The following GRIK1 variants were observed in gnomAD, a reference collection of about 807,000 sequenced individuals.
The protein encoded by GRIK1 is glutamate receptor ionotropic, kainate 1.
A neutral mutation model predicts 105.7 loss-of-function variants in GRIK1; 69 were observed. That is an observed-to-expected ratio of 0.65 (90% confidence interval 0.54 to 0.80). The LOEUF is 0.80. Among genes scored for constraint, GRIK1 ranks in the 30% least tolerant of loss-of-function variants. GRIK1 has a pLI of 0.00. For missense variants in GRIK1, 1,109 were observed against 1,167.3 expected, an observed-to-expected ratio of 0.95 and a Z score of 0.73; for synonymous variants, 438 against 431.3, an observed-to-expected ratio of 1.02 and a Z score of -0.19.
At chr21:29,872,470 C>T (rs534743966) in intron 1 of GRIK1, among the ~76,000 whole-genome samples, 3 of 152,190 alleles carry the variant, frequency 2.0e-5, no homozygotes, top group Admixed American at 1.3e-4. Context: ...CTTCTTAACA[C>T]GCAAATTATA....
chr21:29,784,491 T>G (rs2066207310), intron 1 of GRIK1, among the ~76,000 whole-genome samples: 1 of 152,196 alleles, frequency 6.6e-6, no homozygotes, highest in Non-Finnish European at 1.5e-5. Context: ...TGGGGTAGTA[T>G]TTAATCTTTG....
At chr21:29,578,003 G>C (rs2090935849) in intron 13 of GRIK1, among the ~76,000 whole-genome samples, 1 of 152,172 alleles carries the variant, frequency 6.6e-6, no homozygotes, top group East Asian at 1.9e-4. Context: ...AAAAGAAAGG[G>C]TTTATGAGCT....
At chr21:29,555,016 C>T in intron 16 of GRIK1, 36 bp downstream of exon 16, 1 of 1,558,732 alleles carries the variant, frequency 6.4e-7, no homozygotes, top group Non-Finnish European at 8.8e-7. Context: ...ATAATGCAAA[C>T]TATAAACTAA....
At chr21:29,577,242 C>A in intron 13 of GRIK1, 61 bp from the exon 14 acceptor site, 1 of 894,884 alleles carries the variant, frequency 1.1e-6, no homozygotes. Flanking sequence ...GGAAGATGTA[C>A]AGTTCGACAC....
rs1055790771 is a variant in GRIK1 at position 29,727,115 on chromosome 21, G to A, written c.119-33052C>T. On this transcript the variant is annotated intron_variant, in intron 1 of 17. Coordinates refer to ENST00000327783, the MANE Select transcript of GRIK1 (RefSeq NM_001330994.2). Reference sequence around the variant, plus strand: ...AATTTTTTGTATTTTCGGTAGAGATGGGGTCTCATCATGTTGCCCAGGCTG... The same window carrying A: ...AATTTTTTGTATTTTCGGTAGAGATAGGGTCTCATCATGTTGCCCAGGCTG... 3.3e-5 allele frequency among the ~76,000 whole-genome samples: 5 copies of A among 151,864 alleles called. 1 individual carries two copies. Among genetic ancestry groups the A allele is most frequent in the Non-Finnish European group, 5.9e-5 (4 of 67,980 alleles).
chr21:29,545,491 T>C (rs984167025), intron 16 of GRIK1, among the ~76,000 whole-genome samples: 10 of 152,220 alleles, frequency 6.6e-5, no homozygotes, highest in Non-Finnish European at 1.3e-4. Context: ...TTGTTTTTGT[T>C]TTATTGCATT....
chr21:29,876,134 G>GTGTC (rs2069184219), intron 1 of GRIK1, among the ~76,000 whole-genome samples: 2 of 152,014 alleles, frequency 1.3e-5, no homozygotes, highest in Admixed American at 1.3e-4. Context: ...GTGTGTGTGT[G>GTGTC]TGTGTGTGTC....
chr21:29,888,197 C>CTTTCTTTCTTCCTTTCTT lies in GRIK1; in HGVS notation c.118+51185_118+51186insAAGAAAGGAAGAAAGAAA, dbSNP rs59241719. ...TCTTTCTTTCTTCCTTTCTTTCTTT[C>CTTTCTTTCTTCCTTTCTT]TCTCTCTCTCTCTCTCTCTCTCTCT... On this transcript the variant is annotated intron_variant, in intron 1 of 17. Transcript: ENST00000327783. Among the ~76,000 whole-genome samples, 10 of 22,310 alleles carry CTTTCTTTCTTCCTTTCTT rather than the reference C, an allele frequency of 4.5e-4. 1 individual carries two copies. Among genetic ancestry groups the CTTTCTTTCTTCCTTTCTT allele is most frequent in the African/African-American group, 4.9e-4 (5 of 10,244 alleles). The allele number at this position is 22,310 out of a possible 152,430, so 14.6% of individuals were successfully genotyped here.
rs368834915 is a variant in GRIK1 at position 29,803,167 on chromosome 21, A to G, written c.119-109104T>C. Among the ~76,000 whole-genome samples, 9 of 152,286 alleles carry G rather than the reference A, an allele frequency of 5.9e-5. No homozygotes were observed. The South Asian group carries it at 8.3e-4, about 14-fold the overall frequency. ...TCAGATGTAAAGTAACCATAACTCCATCCTCCCGGCTGTTCCATGTTCTTC... is the reference window on the plus strand; with the variant it reads ...TCAGATGTAAAGTAACCATAACTCCGTCCTCCCGGCTGTTCCATGTTCTTC... On this transcript the variant is annotated intron_variant, in intron 1 of 17. Transcript: ENST00000327783.
In GRIK1 at chr21:29,561,819, A is replaced by T. The variant is rs147755252; in HGVS notation, c.2161T>A (p.Trp721Arg). ...TGCTGCCTGCTGCTCATGAAAGCCC[A>T]CATCTTCTCATAGGTGGAGATTTTT... ...KSKISTYEKM[W>R]AFMSSRQQTA... is the part of the protein sequence containing the mutation. Residue 721 changes from tryptophan (W) to arginine (R), a missense_variant, in exon 15 of 18, where the codon TGG (tryptophan) becomes AGG (arginine). Around this residue, in one of 5 missense-constraint regions of GRIK1, gnomAD observed 264 missense variants for 306.9 expected, o/e 0.86. Transcript: ENST00000327783. 3.3e-5 allele frequency: 54 copies of T among 1,613,364 alleles called. No individual in the cohort carries two copies. The highest frequency in any genetic ancestry group is 4.6e-5 in the Non-Finnish European group (54 of 1,179,460).
chr21:29,879,621 A>G (rs2069322313), intron 1 of GRIK1, among the ~76,000 whole-genome samples: 1 of 152,096 alleles, frequency 6.6e-6, no homozygotes, highest in South Asian at 2.1e-4. Flanking sequence ...TGTAACGTTG[A>G]TTCATGATTT....
In GRIK1 at chr21:29,917,607, G is replaced by A. The variant is rs184329238; in HGVS notation, c.118+21776C>T. Among the ~76,000 whole-genome samples the A allele has an allele frequency of 7.9e-5, 12 of 152,098 alleles. No individual in the cohort carries two copies. In the East Asian group the frequency reaches 2.3e-3, roughly 29 times the overall value. ...CTCTTCAAATGCTTTCCATTGAACT[G>A]AGTATAAAACCCTATTGGTCTGTCA... On this transcript the variant is annotated intron_variant, in intron 1 of 17. Transcript: ENST00000327783.
intron 1 of GRIK1, among the ~76,000 whole-genome samples, chr21:29,738,454 T>C (rs764347328): frequency 6.6e-5 from 10 of 152,132 alleles, no homozygotes; most frequent in Non-Finnish European, 1.5e-4. Context: ...TTGGAGAGAG[T>C]TGACTTCTTT....
intron 1 of GRIK1, among the ~76,000 whole-genome samples, chr21:29,896,530 T>C (rs2070168273): frequency 6.6e-6 from 1 of 152,188 alleles, no homozygotes; most frequent in South Asian, 2.1e-4. Context: ...ACTCAAAAAA[T>C]GTATTTTGAA....
intron 7 of GRIK1, among the ~76,000 whole-genome samples, chr21:29,602,439 C>T (rs779666904): frequency 6.6e-5 from 10 of 152,030 alleles, no homozygotes; most frequent in Non-Finnish European, 1.3e-4. Flanking sequence ...AGAATACAGC[C>T]CCTAGAAGTT....
intron 2 of GRIK1, among the ~76,000 whole-genome samples, chr21:29,690,755 AT>A (rs1323862860): frequency 4.6e-5 from 7 of 152,226 alleles, no homozygotes; most frequent in Non-Finnish European, 7.3e-5. Context: ...TATTTTTCTC[AT>A]TATAAGAATA....
chr21:29,732,934 C>G (rs2064677798), intron 1 of GRIK1, among the ~76,000 whole-genome samples: 3 of 152,198 alleles, frequency 2.0e-5, no homozygotes, highest in South Asian at 2.1e-4. Context: ...TGAAAAAATG[C>G]CACGGAAAAT....
At chr21:29,724,486 C>T (rs1339997466) in intron 1 of GRIK1, among the ~76,000 whole-genome samples, 1 of 152,162 alleles carries the variant, frequency 6.6e-6, no homozygotes, top group Non-Finnish European at 1.5e-5. Context: ...CTGCAATACC[C>T]CTATTTACAG....
chr21:29,905,943 T>C (rs1048182582), intron 1 of GRIK1, among the ~76,000 whole-genome samples: 1 of 135,896 alleles, frequency 7.4e-6, no homozygotes, highest in African/African-American at 3.3e-5. Flanking sequence ...CTTGTTTTTT[T>C]TGTTTGTTTG....
Sources: allele counts gnomAD v4.1 joint callset (sites outside exome capture counted in the v4.1 genomes callset), GRCh38; gene constraint gnomAD v4.1.1; regional missense constraint gnomAD v4.1.1; transcripts MANE v1.5; gene names NCBI Gene and HGNC (gene_info 2026-07-23, HGNC 2026-07-21).